TPCN1: variants seen among roughly 807,000 people sequenced by gnomAD.
TPCN1 encodes the protein two pore channel protein 1.
A neutral mutation model predicts 108.8 loss-of-function variants in TPCN1; 52 were observed. The observed-to-expected ratio is 0.48, with a 90% CI of 0.38 to 0.60. The LOEUF (loss-of-function observed/expected upper bound fraction) is 0.60, where lower values mean the gene tolerates loss of function less well. Among genes scored for constraint, TPCN1 ranks in the 20% least tolerant of loss-of-function variants. The pLI is 0.00. For synonymous variants in TPCN1, 446 were observed against 433.7 expected, an observed-to-expected ratio of 1.03 and a Z score of -0.35; for missense variants, 806 against 1,072.8, an observed-to-expected ratio of 0.75 and a Z score of 3.47.
At chr12:113,285,019 C>T (rs541150922) in intron 17 of TPCN1, among the ~76,000 whole-genome samples, 1 of 152,346 alleles carries the variant, frequency 6.6e-6, no homozygotes, top group African/African-American at 2.4e-5. Flanking sequence ...TTTGCCAGCG[C>T]CGTGTCCCCC....
chr12:113,284,536 GC>G lies in TPCN1; in HGVS notation c.1343-39del, dbSNP rs773985106. ...TCAGCTGCGACCTGCAGATTTCTAA[GC>G]CCCCCTGTTATTTCTCTGTCTTTTA... On this transcript the variant is annotated intron_variant, in intron 15 of 27. Coordinates refer to ENST00000335509, the MANE Select transcript of TPCN1 (RefSeq NM_017901.6). The surrounding 1 kb of genome is among the most constrained non-coding windows in gnomAD (Gnocchi z 4.1). 3 of 1,610,348 alleles carry G rather than the reference GC, an allele frequency of 1.9e-6. No individual in the cohort carries two copies. The highest frequency in any genetic ancestry group is 1.7e-5 in the Admixed American group (1 of 60,004).
At chr12:113,278,985 C>A in intron 14 of TPCN1, 150 bp downstream of exon 14, 1 of 719,264 alleles carries the variant, frequency 1.4e-6, no homozygotes, top group Admixed American at 2.4e-5. Context: ...GTGTGATTAC[C>A]CCAGCAGGGA....
Position 113,277,345 on chromosome 12 carries a change from A to C in TPCN1, c.1165A>C (p.Asn389His). The change falls in exon 12 of 28, where the codon AAC becomes CAC. Residue 389 changes from asparagine to histidine, a missense_variant. Physicochemically the swap from Asn to His is moderately conservative, Grantham distance 68. Transcript: ENST00000335509. ...RYLTFKALNQNNTPLLSLKDF... is the reference protein window; with the variant it reads ...RYLTFKALNQHNTPLLSLKDF... ...TCTTACCTTCAAGGCCCTGAATCAG[A>C]ACAACACACCCCTGCTCAGGTAAGA... is the stretch of plus-strand genomic sequence containing the variant. The C allele has an allele frequency of 6.2e-7, 1 of 1,614,160 alleles. No homozygotes were observed. The highest frequency in any genetic ancestry group is 8.5e-7 in the Non-Finnish European group (1 of 1,180,022).
At chr12:113,249,997 G>A (rs550092047) in intron 2 of TPCN1, 1 of 152,380 alleles carries the variant, frequency 6.6e-6, no homozygotes, top group African/African-American at 2.4e-5. Flanking sequence ...CGAGGATGAA[G>A]TTATTTCACC....
intron 27 of TPCN1, chr12:113,294,244 C>A (rs1412132520): frequency 6.6e-6 from 1 of 152,172 alleles, no homozygotes; most frequent in Non-Finnish European, 1.5e-5. Context: ...CACTGTGACA[C>A]CCTAATTACC....
In TPCN1 at chr12:113,287,114, C is replaced by G; in HGVS notation, c.1634+20C>G. 6.3e-7 allele frequency: 1 copy of G among 1,588,528 alleles called. No individual in the cohort carries two copies. Among genetic ancestry groups the G allele is most frequent in the Non-Finnish European group, 8.6e-7 (1 of 1,157,974 alleles). ...GCTGAGGTGATGGGCAGGGCAGAGC[C>G]GGAGACAGGGAGAAAGAGAGGGAGG... On this transcript the variant is annotated intron_variant, in intron 19 of 27. Coordinates refer to ENST00000335509, the MANE Select transcript of TPCN1 (RefSeq NM_017901.6).
At chr12:113,286,028 C>T (rs981499810) in intron 18 of TPCN1, 67 bp downstream of exon 18, 87 of 1,375,378 alleles carry the variant, frequency 6.3e-5, no homozygotes, top group Non-Finnish European at 8.9e-5. Flanking sequence ...CCCTTCTCTG[C>T]ACACCCTGAT....
At position 113,284,888 on chromosome 12, in the gene TPCN1, G is replaced by T; in HGVS notation, c.1453+117G>T. 3 of 1,170,038 alleles carry T rather than the reference G, an allele frequency of 2.6e-6. No homozygotes were observed. The highest frequency in any genetic ancestry group is 3.8e-6 in the Non-Finnish European group (3 of 788,918). The allele number at this position is 1,170,038 out of a possible 1,614,324, so 72.5% of individuals were successfully genotyped here. ...AAACAGGAAGCTATAAAGAGACGGA[G>T]TAATCAGTCTGATTCCATCTCGTCC... On this transcript the variant is annotated intron_variant, in intron 17 of 27. Transcript: ENST00000335509. The surrounding 1 kb of genome is among the most constrained non-coding windows in gnomAD (Gnocchi z 4.1).
At chr12:113,252,170 G>C (rs992772818) in intron 2 of TPCN1, among the ~76,000 whole-genome samples, 3 of 152,100 alleles carry the variant, frequency 2.0e-5, no homozygotes, top group African/African-American at 7.2e-5. Context: ...GTTATGTATC[G>C]GGGAAGAGGG....
At chr12:113,222,023 C>G (rs1953252817) in intron 1 of TPCN1, among the ~76,000 whole-genome samples, 1 of 152,186 alleles carries the variant, frequency 6.6e-6, no homozygotes, top group Non-Finnish European at 1.5e-5. Flanking sequence ...AACCTCTTCC[C>G]CTAGGCCCTT....
chr12:113,296,100 T>C lies in TPCN1; in HGVS notation c.*24T>C. The C allele has an allele frequency of 6.2e-7, 1 of 1,610,960 alleles. No individual in the cohort carries two copies. The highest frequency in any genetic ancestry group is 8.5e-7 in the Non-Finnish European group (1 of 1,178,054). ...AGCCCAGCGCCCGAAAGCCGTCTCT[T>C]CTATGCAATAACACAATAGTATTAC... is the stretch of plus-strand genomic sequence containing the variant. On this transcript the variant is annotated 3_prime_UTR_variant, in exon 28 of 28. Coordinates refer to ENST00000335509, the MANE Select transcript of TPCN1 (RefSeq NM_017901.6).
At chr12:113,240,473 A>C (rs1291349716) in intron 2 of TPCN1, among the ~76,000 whole-genome samples, 1 of 152,102 alleles carries the variant, frequency 6.6e-6, no homozygotes, top group Non-Finnish European at 1.5e-5. Context: ...GTTTTTTCCT[A>C]AGTTGCAGTT....
Position 113,273,330 on chromosome 12 carries a change from C to T in TPCN1, c.842+40C>T, listed in dbSNP as rs756959450. The T allele has an allele frequency of 4.4e-6, 7 of 1,597,306 alleles. No homozygotes were observed. The highest frequency in any genetic ancestry group is 2.2e-5 in the South Asian group (2 of 90,724). ...TGCCTTGCCTTTGGTCCTCTGCTGC[C>T]GCCCTGGGGTCTCTTTCTCTTTTCT... On this transcript the variant is annotated intron_variant, in intron 9 of 27. Transcript: ENST00000335509. This position sits in a 1 kb window ranked among gnomAD's most constrained non-coding sequence, Gnocchi z 4.0.
chr12:113,240,158 G>A (rs1954053744), intron 2 of TPCN1, among the ~76,000 whole-genome samples: 1 of 152,180 alleles, frequency 6.6e-6, no homozygotes, highest in African/African-American at 2.4e-5. Flanking sequence ...TTTTATGAGT[G>A]CTAAAGTCCA....
chr12:113,256,195 A>G (rs1395685219), intron 2 of TPCN1, among the ~76,000 whole-genome samples: 2 of 151,758 alleles, frequency 1.3e-5, no homozygotes, highest in South Asian at 2.1e-4. Context: ...CTAGGTTTCT[A>G]TTGATTGATT....
At chr12:113,291,429 C>T (rs929719226) in intron 23 of TPCN1, 180 bp from the exon 24 acceptor site, 3 of 625,088 alleles carry the variant, frequency 4.8e-6, no homozygotes, top group East Asian at 5.5e-5. Flanking sequence ...GCCAGGGCTC[C>T]TTCAGCAGTC....
Position 113,296,148 on chromosome 12 carries a change from C to G in TPCN1, c.*72C>G, listed in dbSNP as rs956960515. ...TACTCTACTGCGATGTACGGAACTG[C>G]GGTGTGTGTACACATACTCACGTAT... On this transcript the variant is annotated 3_prime_UTR_variant, in exon 28 of 28. Coordinates refer to ENST00000335509, the MANE Select transcript of TPCN1 (RefSeq NM_017901.6). The G allele has an allele frequency of 6.4e-7, 1 of 1,570,342 alleles. No individual in the cohort carries two copies. The highest frequency in any genetic ancestry group is 1.3e-5 in the African/African-American group (1 of 74,206).
At chr12:113,279,531 T>TCGG (rs1955819970) in intron 14 of TPCN1, among the ~76,000 whole-genome samples, 2 of 149,592 alleles carry the variant, frequency 1.3e-5, no homozygotes, top group Non-Finnish European at 3.0e-5. Context: ...CCCGAGTAGC[T>TCGG]GGGACTACAG....
At position 113,291,006 on chromosome 12, in the gene TPCN1, C is replaced by T. The variant is rs1219376999; in HGVS notation, c.1959+8C>T. 1.2e-6 allele frequency: 2 copies of T among 1,613,412 alleles called. No homozygotes were observed. Among genetic ancestry groups the T allele is most frequent in the South Asian group, 1.1e-5 (1 of 91,074 alleles). On this transcript the variant is annotated splice_region_variant and intron_variant, in intron 23 of 27. Coordinates refer to ENST00000335509, the MANE Select transcript of TPCN1 (RefSeq NM_017901.6). ...AACTGGTACATCATCATGGTAAGAG[C>T]TCGGGCAGCTCTGGGGGTATCTTCC...
Sources: allele counts gnomAD v4.1 joint callset (sites outside exome capture counted in the v4.1 genomes callset), GRCh38; gene constraint gnomAD v4.1.1; non-coding constraint Gnocchi (gnomAD v3.1); transcripts MANE v1.5; gene names NCBI Gene and HGNC (gene_info 2026-07-23, HGNC 2026-07-21).